Variants in DCLK2 observed in about 807,000 individuals in gnomAD.
DCLK2 encodes doublecortin like kinase 2.
In DCLK2, 31 loss-of-function variants were observed where a neutral mutation model predicts 78.4. The ratio of observed to expected loss-of-function variants is 0.40; its 90% CI spans 0.30 to 0.53. DCLK2 has a LOEUF of 0.53. Among genes scored for constraint, DCLK2 ranks in the 20% least tolerant of loss-of-function variants. The pLI is 0.61. For missense variants in DCLK2, 872 were observed against 973.7 expected, an observed-to-expected ratio of 0.90 and a Z score of 1.39; for synonymous variants, 407 against 374.9, an observed-to-expected ratio of 1.09 and a Z score of -0.99.
At chr4:150,107,009 A>G (rs1560777243) in intron 2 of DCLK2, among the ~76,000 whole-genome samples, 1 of 152,158 alleles carries the variant, frequency 6.6e-6, no homozygotes. Context: ...TAGGGCATGT[A>G]TGGCACTGTC....
At position 150,256,378 on chromosome 4, in the gene DCLK2, G is replaced by A; in HGVS notation, c.*131G>A. On this transcript the variant is annotated 3_prime_UTR_variant, in exon 16 of 16. Transcript: ENST00000296550. ...GCCTGAGTTCGCGGGTCCTCCGCAG[G>A]CCGCCTGGGAACCGGAGCCTGGCGT... 7.8e-7 allele frequency: 1 copy of A among 1,285,816 alleles called. No individual in the cohort carries two copies. Among genetic ancestry groups the A allele is most frequent in the Non-Finnish European group, 1.0e-6 (1 of 968,854 alleles). The allele number at this position is 1,285,816 out of a possible 1,614,324, so 79.7% of individuals were successfully genotyped here. A position where few individuals can be genotyped will look rare whatever the true frequency, so the allele number is the denominator to read the frequency against.
chr4:150,127,251 T>C (rs1236663910), intron 2 of DCLK2, among the ~76,000 whole-genome samples: 2 of 152,194 alleles, frequency 1.3e-5, no homozygotes, highest in African/African-American at 4.8e-5. Context: ...TTGTTTCTCA[T>C]CATACTTTCA....
intron 2 of DCLK2, among the ~76,000 whole-genome samples, chr4:150,160,429 C>A (rs916521296): frequency 6.6e-6 from 1 of 152,136 alleles, no homozygotes; most frequent in Admixed American, 6.5e-5. Context: ...TATTCAAGCA[C>A]CATGTTGATC....
In DCLK2 at chr4:150,079,241, A is replaced by T; in HGVS notation, c.214A>T (p.Lys72Ter). The change falls in exon 1 of 16, where the codon AAG (lysine) becomes TAG (stop). Residue 72 changes from lysine (K) to a stop codon, truncating the protein, a stop_gained. Transcript: ENST00000296550. LOFTEE classifies it high-confidence loss of function. ...LQALSSEKKA[K>*]KARFYRNGDR... Reference sequence around the variant, plus strand: ...GGCCCTCAGCTCGGAGAAGAAGGCCAAGAAGGCGCGCTTCTACCGGAACGG... The same window carrying T: ...GGCCCTCAGCTCGGAGAAGAAGGCCTAGAAGGCGCGCTTCTACCGGAACGG... 2 of 1,609,526 alleles carry T rather than the reference A, an allele frequency of 1.2e-6. No homozygotes were observed. The highest frequency in any genetic ancestry group is 1.7e-6 in the Non-Finnish European group (2 of 1,178,102).
At chr4:150,158,602 T>A (rs1735486872) in intron 2 of DCLK2, among the ~76,000 whole-genome samples, 1 of 152,196 alleles carries the variant, frequency 6.6e-6, no homozygotes, top group Admixed American at 6.6e-5. Flanking sequence ...TCTGGGAATA[T>A]AAATGTCTCG....
intron 5 of DCLK2, among the ~76,000 whole-genome samples, chr4:150,217,229 A>G (rs929742089): frequency 1.3e-5 from 2 of 152,186 alleles, no homozygotes; most frequent in Non-Finnish European, 2.9e-5. Context: ...GAATTTTGCA[A>G]AGTCACAGCT....
intron 1 of DCLK2, 65 bp downstream of exon 1, chr4:150,079,513 C>T: frequency 2.8e-6 from 4 of 1,409,392 alleles, no homozygotes; most frequent in South Asian, 3.1e-5. Context: ...GGGCGTGAGC[C>T]GGCGCAGCGG....
intron 7 of DCLK2, among the ~76,000 whole-genome samples, chr4:150,223,049 T>C (rs1486338587): frequency 6.6e-6 from 1 of 152,214 alleles, no homozygotes; most frequent in Admixed American, 6.5e-5. Context: ...CAGAAAGTTT[T>C]GGTAACTACA....
At chr4:150,168,206 G>A (rs1258276632) in intron 2 of DCLK2, among the ~76,000 whole-genome samples, 2 of 152,144 alleles carry the variant, frequency 1.3e-5, no homozygotes, top group East Asian at 3.9e-4. Context: ...AGCTGGGCGT[G>A]GTGGCAGGCG....
At chr4:150,111,705 C>T (rs1430064898) in intron 2 of DCLK2, among the ~76,000 whole-genome samples, 1 of 152,018 alleles carries the variant, frequency 6.6e-6, no homozygotes, top group Non-Finnish European at 1.5e-5. Context: ...TGTGATTATC[C>T]AGTCTTCCCA....
intron 10 of DCLK2, among the ~76,000 whole-genome samples, chr4:150,238,167 C>G (rs987610947): frequency 1.3e-5 from 2 of 152,026 alleles, no homozygotes. Flanking sequence ...CATGCTACCA[C>G]TTAGAGATAA....
chr4:150,222,739 G>A (rs1741287096), intron 7 of DCLK2, among the ~76,000 whole-genome samples: 1 of 151,554 alleles, frequency 6.6e-6, no homozygotes, highest in South Asian at 2.1e-4. Context: ...GGTGGCACAC[G>A]CCTGAAGTCC....
intron 2 of DCLK2, among the ~76,000 whole-genome samples, chr4:150,114,947 G>T (rs1005095428): frequency 1.3e-5 from 2 of 152,126 alleles, no homozygotes; most frequent in African/African-American, 2.4e-5. Flanking sequence ...AGCAAGGCCA[G>T]GGAAGTTTTC....
chr4:150,090,451 C>T (rs7689735), intron 1 of DCLK2, among the ~76,000 whole-genome samples: 57,036 of 151,394 alleles, frequency 0.38, 10,935 homozygotes, highest in Non-Finnish European at 0.42. Context: ...AACAAAAAAA[C>T]GCACAATGAA....
intron 2 of DCLK2, among the ~76,000 whole-genome samples, chr4:150,187,774 C>G (rs1560847889): frequency 1.3e-5 from 2 of 151,502 alleles, no homozygotes; most frequent in South Asian, 2.1e-4. Flanking sequence ...CCCGAGTATA[C>G]CTGCGACATG....
In DCLK2 at chr4:150,256,684, TCTCTCTC is replaced by T; in HGVS notation, c.*438_*444del. 3 of 158,014 alleles carry T rather than the reference TCTCTCTC, an allele frequency of 1.9e-5. No individual in the cohort carries two copies. The highest frequency in any genetic ancestry group is 2.1e-4 in the South Asian group (1 of 4,832). 9.8% of individuals were successfully genotyped at this position (158,014 alleles called of 1,614,324 possible). On this transcript the variant is annotated 3_prime_UTR_variant, in exon 16 of 16. Coordinates refer to ENST00000296550, the MANE Select transcript of DCLK2 (RefSeq NM_001040260.4). ...CTCCCTTTCTTTTCTTTTCTCTCTC[TCTCTCTC>T]TTTTTTTTTTACGAAAGACTTAGAA...
At chr4:150,085,464 A>G (rs1353700506) in intron 1 of DCLK2, among the ~76,000 whole-genome samples, 4 of 152,194 alleles carry the variant, frequency 2.6e-5, no homozygotes, top group South Asian at 2.1e-4. Flanking sequence ...CCCTCCTTTT[A>G]TAACTAACCC....
chr4:150,114,324 C>G (rs1366424029), intron 2 of DCLK2, among the ~76,000 whole-genome samples: 1 of 152,068 alleles, frequency 6.6e-6, no homozygotes, highest in African/African-American at 2.4e-5. Context: ...GATGACCTGT[C>G]TAGTGTTGTT....
At chr4:150,222,969 G>A (rs910343567) in intron 7 of DCLK2, among the ~76,000 whole-genome samples, 4 of 151,934 alleles carry the variant, frequency 2.6e-5, no homozygotes, top group African/African-American at 9.7e-5. Context: ...TCAGATTAGA[G>A]TCTTGGTGTT....
Sources: allele counts gnomAD v4.1 joint callset (sites outside exome capture counted in the v4.1 genomes callset), GRCh38; gene constraint gnomAD v4.1.1; transcripts MANE v1.5; gene names NCBI Gene and HGNC (gene_info 2026-07-23, HGNC 2026-07-21).